SNAPC3: variants seen among roughly 807,000 people sequenced by gnomAD.
The protein encoded by SNAPC3 is small nuclear RNA activating complex polypeptide 3.
Under a neutral mutation model 47.7 loss-of-function variants are expected in SNAPC3, and 56 were observed. That is an observed-to-expected ratio of 1.18 (90% CI 0.95 to 1.47). SNAPC3 has a LOEUF of 1.47. SNAPC3 is among the 40% of genes most tolerant of loss of function. The pLI is 0.00. For missense variants in SNAPC3, 665 were observed against 511.3 expected, an observed-to-expected ratio of 1.30 and a Z score of -2.90; for synonymous variants, 235 against 189.9, an observed-to-expected ratio of 1.24 and a Z score of -1.95.
At chr9:15,437,778 A>T (rs1338301005) in intron 3 of SNAPC3, among the ~76,000 whole-genome samples, 1 of 152,220 alleles carries the variant, frequency 6.6e-6, no homozygotes, top group African/African-American at 2.4e-5. Context: ...ACCTTTTCTT[A>T]TCATAACTGA....
At chr9:15,443,037 G>A (rs940599648) in intron 3 of SNAPC3, among the ~76,000 whole-genome samples, 7 of 152,160 alleles carry the variant, frequency 4.6e-5, no homozygotes, top group Non-Finnish European at 5.9e-5. Context: ...CAGGCGTGGC[G>A]GCGCGCACCC....
downstream of SNAPC3, chr9:15,465,361 T>A: frequency 1.6e-6 from 1 of 619,102 alleles, no homozygotes; most frequent in Non-Finnish European, 2.8e-6. Flanking sequence ...CACTTAGCGA[T>A]AATGTTTACT....
Position 15,423,226 on chromosome 9 carries a change from G to A in SNAPC3, c.314+33G>A, listed in dbSNP as rs1587117432. The A allele has an allele frequency of 4.5e-6, 7 of 1,544,040 alleles. No individual in the cohort carries two copies. The East Asian group carries it at 7.2e-5, about 16-fold the overall frequency. ...CGGAGCAAAGGGGCTCTTGCAGCTT[G>A]GGGTCAAACAGGGTGCAGCCTTGCT... On this transcript the variant is annotated intron_variant, in intron 1 of 8. Coordinates refer to ENST00000380821, the MANE Select transcript of SNAPC3 (RefSeq NM_001039697.2).
intron 2 of SNAPC3, among the ~76,000 whole-genome samples, chr9:15,426,134 A>G (rs1283028284): frequency 6.6e-6 from 1 of 152,166 alleles, no homozygotes; most frequent in Admixed American, 6.5e-5. Context: ...GATTACAGAT[A>G]TGAGCCACCG....
intron 5 of SNAPC3, among the ~76,000 whole-genome samples, chr9:15,450,300 C>T (rs148731325): frequency 4.6e-5 from 7 of 151,846 alleles, no homozygotes; most frequent in Non-Finnish European, 5.9e-5. Flanking sequence ...GTGTCTGATG[C>T]GAACACAAGA....
intron 6 of SNAPC3, among the ~76,000 whole-genome samples, chr9:15,451,983 T>A (rs199909581): frequency 1.4e-5 from 2 of 147,668 alleles, no homozygotes; most frequent in African/African-American, 5.0e-5. Flanking sequence ...AAAAAAAAAA[T>A]GAAAAAGTCT....
chr9:15,436,225 T>C (rs1395285372), intron 3 of SNAPC3, among the ~76,000 whole-genome samples: 1 of 152,256 alleles, frequency 6.6e-6, no homozygotes, highest in African/African-American at 2.4e-5. Flanking sequence ...TCTTTTGTTG[T>C]CCTTGCTTTT....
chr9:15,458,145 C>A, intron 8 of SNAPC3, 78 bp downstream of exon 8: 1 of 723,990 alleles, frequency 1.4e-6, no homozygotes, highest in Non-Finnish European at 2.3e-6. Flanking sequence ...CACTTTGGAT[C>A]TAAGAATATT....
chr9:15,427,157 T>C (rs2031515174), intron 2 of SNAPC3, among the ~76,000 whole-genome samples: 2 of 152,210 alleles, frequency 1.3e-5, no homozygotes, highest in Admixed American at 1.3e-4. Context: ...TGGTAGATAT[T>C]GATTCTTCCT....
At position 15,437,145 on chromosome 9, in the gene SNAPC3, C is replaced by T. The variant is rs554451015; in HGVS notation, c.477+3509C>T. ...CAGCCTATCAGCAGTGTTTTATACTCTTTATGTATACAACCCTTTCACTTC... is the reference window on the plus strand; with the variant it reads ...CAGCCTATCAGCAGTGTTTTATACTTTTTATGTATACAACCCTTTCACTTC... On this transcript the variant is annotated intron_variant, in intron 3 of 8. Coordinates refer to ENST00000380821, the MANE Select transcript of SNAPC3 (RefSeq NM_001039697.2). 1.3e-4 allele frequency among the ~76,000 whole-genome samples: 20 copies of T among 151,550 alleles called. No homozygotes were observed. The East Asian group carries it at 3.8e-3, about 28-fold the overall frequency.
At chr9:15,447,693 C>T (rs1022811614) in intron 5 of SNAPC3, among the ~76,000 whole-genome samples, 4 of 152,068 alleles carry the variant, frequency 2.6e-5, no homozygotes, top group South Asian at 2.1e-4. Flanking sequence ...TTCATTCACT[C>T]GTTTGAAGCT....
At chr9:15,464,484 G>A (rs986058821), downstream of SNAPC3, 48 of 200,780 alleles carry the variant, frequency 2.4e-4, no homozygotes, top group Non-Finnish European at 4.1e-5. Flanking sequence ...GTCCATACAC[G>A]TCAATGTACA....
chr9:15,458,400 C>G (rs972754481), intron 8 of SNAPC3, among the ~76,000 whole-genome samples: 1 of 152,162 alleles, frequency 6.6e-6, no homozygotes, highest in South Asian at 2.1e-4. Context: ...TGTACAATAA[C>G]TCCCTGTTAG....
At chr9:15,423,235 C>T in intron 1 of SNAPC3, 42 bp downstream of exon 1, 1 of 1,524,586 alleles carries the variant, frequency 6.6e-7, no homozygotes, top group Admixed American at 2.2e-5. Flanking sequence ...TGGGGTCAAA[C>T]AGGGTGCAGC....
downstream of SNAPC3, chr9:15,465,566 T>G: frequency 6.3e-7 from 1 of 1,585,456 alleles, no homozygotes; most frequent in Non-Finnish European, 8.6e-7. Context: ...AGTCTCTCTC[T>G]CTTCACTGGA....
At chr9:15,427,098 A>G (rs181231127) in intron 2 of SNAPC3, among the ~76,000 whole-genome samples, 61 of 152,326 alleles carry the variant, frequency 4.0e-4, no homozygotes, top group Middle Eastern at 3.4e-3. Flanking sequence ...TTTCTTTCCC[A>G]CATCAAATGA....
chr9:15,447,768 A>T (rs1182355704), intron 5 of SNAPC3, among the ~76,000 whole-genome samples: 1 of 152,184 alleles, frequency 6.6e-6, no homozygotes, highest in Non-Finnish European at 1.5e-5. Context: ...TGAGAGCCTC[A>T]AATAGTTAGC....
downstream of SNAPC3, chr9:15,462,874 T>C (rs1019637148): frequency 3.9e-5 from 6 of 152,174 alleles, no homozygotes; most frequent in African/African-American, 1.2e-4. Context: ...GAGCATCCTT[T>C]TTCTGGCCAA....
In SNAPC3 at chr9:15,422,926, G is replaced by A. The variant is rs765318349; in HGVS notation, c.47G>A (p.Gly16Asp). 10 of 1,537,530 alleles carry A rather than the reference G, an allele frequency of 6.5e-6. No individual in the cohort carries two copies. The highest frequency in any genetic ancestry group is 1.7e-4 in the Middle Eastern group (1 of 5,910). Residue 16 changes from glycine to aspartate, a missense_variant, in exon 1 of 9, where the codon GGC (glycine) becomes GAC (aspartate). Coordinates refer to ENST00000380821, the MANE Select transcript of SNAPC3 (RefSeq NM_001039697.2). ...GGCCCTACGTGTAGCGGGGTGGGTG[G>A]CAGGCAGGACCCAGTCTCCGGCAGT... ...RGGPTCSGVG[G>D]RQDPVSGSGG...
Sources: allele counts gnomAD v4.1 joint callset (sites outside exome capture counted in the v4.1 genomes callset), GRCh38; gene constraint gnomAD v4.1.1; transcripts MANE v1.5; gene names NCBI Gene and HGNC (gene_info 2026-07-23, HGNC 2026-07-21).